COL23A1: variants seen among roughly 807,000 people sequenced by gnomAD.
The protein encoded by COL23A1 is collagen type XXIII alpha 1 chain.
A neutral mutation model predicts 99.3 loss-of-function variants in COL23A1; 97 were observed. The observed-to-expected ratio is 0.98, with a 90% CI of 0.83 to 1.16. The LOEUF is 1.16. Among genes scored for constraint, COL23A1 ranks in the 50% most tolerant of loss-of-function variants. The pLI, the probability that COL23A1 is intolerant of heterozygous loss-of-function variation, is 0.00. For synonymous variants in COL23A1, 320 were observed against 308.2 expected, an observed-to-expected ratio of 1.04 and a Z score of -0.40; for missense variants, 762 against 757.4, an observed-to-expected ratio of 1.01 and a Z score of -0.07.
In COL23A1 at chr5:178,379,692, A is replaced by G. The variant is rs566331752; in HGVS notation, c.362-72773T>C. The stretch of plus-strand genomic sequence containing the variant: ...AGGTCGGGAGTTCGAGACCAGCCTG[A>G]CCAACATGGAGAAACCTTGTCTCTA... On this transcript the variant is annotated intron_variant, in intron 2 of 28. Coordinates refer to ENST00000390654, the MANE Select transcript of COL23A1 (RefSeq NM_173465.4). Among the ~76,000 whole-genome samples, 6 of 151,918 alleles carry G rather than the reference A, an allele frequency of 3.9e-5. No individual in the cohort carries two copies. In the South Asian group the frequency reaches 1.3e-3, roughly 32 times the overall value.
intron 2 of COL23A1, among the ~76,000 whole-genome samples, chr5:178,335,440 A>G (rs1760264893): frequency 6.6e-6 from 1 of 152,086 alleles, no homozygotes; most frequent in South Asian, 2.1e-4. Context: ...GAGAAGGAAT[A>G]AGGAAGACAA....
intron 17 of COL23A1, 88 bp downstream of exon 17, chr5:178,252,456 T>G: frequency 7.8e-7 from 1 of 1,286,472 alleles, no homozygotes; most frequent in East Asian, 2.7e-5. Context: ...CGGAGGGAAG[T>G]GGAACAGGGT....
At chr5:178,359,496 C>G (rs112863403) in intron 2 of COL23A1, among the ~76,000 whole-genome samples, 2,793 of 152,274 alleles carry the variant, frequency 0.018, 84 homozygotes, top group African/African-American at 0.064. Flanking sequence ...CCACTGCACT[C>G]TAGCCTGGGT....
intron 2 of COL23A1, among the ~76,000 whole-genome samples, chr5:178,374,831 G>A (rs1018736579): frequency 6.6e-6 from 1 of 152,152 alleles, no homozygotes; most frequent in Non-Finnish European, 1.5e-5. Context: ...AAACAGCTAA[G>A]CACAGAGTTA....
At chr5:178,360,406 G>A (rs948845365) in intron 2 of COL23A1, among the ~76,000 whole-genome samples, 7 of 152,212 alleles carry the variant, frequency 4.6e-5, no homozygotes, top group East Asian at 1.9e-4. Flanking sequence ...CAAGGATGAC[G>A]CACACATCCA....
intron 2 of COL23A1, chr5:178,377,995 C>G (rs35531362): frequency 0.1 from 15,817 of 152,174 alleles, 1,665 homozygotes; most frequent in African/African-American, 0.27. Flanking sequence ...GGTGAGCCCA[C>G]GAGCTCCGGG....
At chr5:178,466,881 G>A (rs1380920297) in intron 2 of COL23A1, among the ~76,000 whole-genome samples, 5 of 152,264 alleles carry the variant, frequency 3.3e-5, no homozygotes, top group South Asian at 2.1e-4. Context: ...AATGGATACT[G>A]GAGTTAGGAG....
At chr5:178,278,182 G>A (rs1359990747) in intron 5 of COL23A1, among the ~76,000 whole-genome samples, 2 of 152,210 alleles carry the variant, frequency 1.3e-5, no homozygotes, top group Admixed American at 6.5e-5. Context: ...AGGACAGCTC[G>A]CAGCACACAC....
At chr5:178,320,797 G>T (rs1345518147) in intron 2 of COL23A1, among the ~76,000 whole-genome samples, 1 of 152,222 alleles carries the variant, frequency 6.6e-6, no homozygotes, top group Non-Finnish European at 1.5e-5. Flanking sequence ...TCAGCAGAAG[G>T]TGCCTCCCGG....
intron 2 of COL23A1, among the ~76,000 whole-genome samples, chr5:178,405,331 G>T (rs1200038293): frequency 6.6e-6 from 1 of 152,232 alleles, no homozygotes; most frequent in Admixed American, 6.5e-5. Flanking sequence ...GATTAATATA[G>T]CTCTGTCCTC....
At chr5:178,463,329 GA>G (rs1408708537) in intron 2 of COL23A1, among the ~76,000 whole-genome samples, 1 of 152,188 alleles carries the variant, frequency 6.6e-6, no homozygotes, top group African/African-American at 2.4e-5. Flanking sequence ...CAGATGTGTG[GA>G]AATAAGTTTC....
In COL23A1 at chr5:178,286,657, C is replaced by T. The variant is rs1336279367; in HGVS notation, c.441+1667G>A. Among the ~76,000 whole-genome samples the T allele has an allele frequency of 4.6e-5, 7 of 152,216 alleles. No individual in the cohort carries two copies. The South Asian group carries it at 1.2e-3, about 27-fold the overall frequency. Reference sequence around the variant, plus strand: ...CATCCGCACCCAGCCTCCTGCCTGTCGGCCACAGGGCCAGCTGCCGGCACC... The same window carrying T: ...CATCCGCACCCAGCCTCCTGCCTGTTGGCCACAGGGCCAGCTGCCGGCACC... On this transcript the variant is annotated intron_variant, in intron 5 of 28. Transcript: ENST00000390654.
At chr5:178,283,085 C>A (rs36093496) in intron 5 of COL23A1, among the ~76,000 whole-genome samples, 1 of 151,912 alleles carries the variant, frequency 6.6e-6, no homozygotes, top group African/African-American at 2.4e-5. Context: ...AGGGTTTCAC[C>A]GTATTGGCCA....
At chr5:178,283,196 A>G (rs905133451) in intron 5 of COL23A1, among the ~76,000 whole-genome samples, 2 of 151,896 alleles carry the variant, frequency 1.3e-5, no homozygotes, top group Admixed American at 6.6e-5. Flanking sequence ...GGGACAAGTG[A>G]TTTCTATAAA....
chr5:178,585,999 G>T (rs997953077), intron 1 of COL23A1, among the ~76,000 whole-genome samples: 128 of 152,298 alleles, frequency 8.4e-4, no homozygotes, highest in African/African-American at 2.9e-3. Flanking sequence ...CTCTCAAGAA[G>T]ACCGCTCTCT....
At chr5:178,577,295 C>T (rs1763424448) in intron 1 of COL23A1, among the ~76,000 whole-genome samples, 1 of 152,190 alleles carries the variant, frequency 6.6e-6, no homozygotes, top group South Asian at 2.1e-4. Flanking sequence ...CGCGTCTCCC[C>T]TCTTCTCGGG....
Position 178,434,257 on chromosome 5 carries a change from A to G in COL23A1, c.361+126425T>C, listed in dbSNP as rs984879970. 5.3e-5 allele frequency among the ~76,000 whole-genome samples: 8 copies of G among 152,224 alleles called. No homozygotes were observed. The highest frequency in any genetic ancestry group is 1.9e-4 in the African/African-American group (8 of 41,452). ...CCAGGTCACACTGTGGGTCAGTGGCAGGCTGGGCTTTTCTGCTGGCCTCTG... is the reference window on the plus strand; with the variant it reads ...CCAGGTCACACTGTGGGTCAGTGGCGGGCTGGGCTTTTCTGCTGGCCTCTG... On this transcript the variant is annotated intron_variant, in intron 2 of 28. Transcript: ENST00000390654. This position sits in a 1 kb window ranked among gnomAD's most constrained non-coding sequence, Gnocchi z 4.3.
chr5:178,579,956 C>T (rs764222593), intron 1 of COL23A1, among the ~76,000 whole-genome samples: 1 of 152,160 alleles, frequency 6.6e-6, no homozygotes, highest in Non-Finnish European at 1.5e-5. Flanking sequence ...AGGGGCCAAT[C>T]GCTGCCCCTC....
At chr5:178,444,151 A>G (rs1412957092) in intron 2 of COL23A1, among the ~76,000 whole-genome samples, 1 of 152,196 alleles carries the variant, frequency 6.6e-6, no homozygotes, top group African/African-American at 2.4e-5. Context: ...GGCTGCAGTA[A>G]GCTGTGATTG....
Sources: allele counts gnomAD v4.1 joint callset (sites outside exome capture counted in the v4.1 genomes callset), GRCh38; gene constraint gnomAD v4.1.1; non-coding constraint Gnocchi (gnomAD v3.1); transcripts MANE v1.5; gene names NCBI Gene and HGNC (gene_info 2026-07-23, HGNC 2026-07-21).